The following MAGI3 variants were observed in gnomAD, a reference collection of about 807,000 sequenced individuals.
MAGI3 encodes the protein membrane associated guanylate kinase, WW and PDZ domain containing 3.
Under a neutral mutation model 121.8 loss-of-function variants are expected in MAGI3, and 43 were observed. The observed-to-expected ratio is 0.35, with a 90% CI of 0.28 to 0.46. MAGI3 has a LOEUF of 0.46. Ranked by LOEUF, MAGI3 falls within the 20% of genes least tolerant of loss-of-function variation. MAGI3 has a pLI of 1.00. For missense variants in MAGI3, 1,547 were observed against 1,797.3 expected (o/e 0.86, Z 2.52); for synonymous variants, 553 against 639.3 (o/e 0.86, Z 2.04).
intron 18 of MAGI3, 47 bp downstream of exon 18, chr1:113,672,788 T>C (rs370574158): frequency 3.6e-5 from 56 of 1,565,918 alleles, no homozygotes; most frequent in Non-Finnish European, 4.6e-5. Flanking sequence ...TGAGTTGCCA[T>C]ACCACTGGCA....
At chr1:113,646,095 C>T (rs1174955497) in intron 11 of MAGI3, among the ~76,000 whole-genome samples, 2 of 151,846 alleles carry the variant, frequency 1.3e-5, no homozygotes, top group African/African-American at 2.4e-5. Context: ...GGAGGTGGGC[C>T]GTGCTAAGAA....
chr1:113,494,309 G>A (rs972203427), intron 1 of MAGI3, among the ~76,000 whole-genome samples: 3 of 152,120 alleles, frequency 2.0e-5, no homozygotes, highest in African/African-American at 7.2e-5. Context: ...GGAGCTAAAT[G>A]ATGAGAACAC....
At chr1:113,480,100 A>G (rs1256331188) in intron 1 of MAGI3, among the ~76,000 whole-genome samples, 2 of 151,412 alleles carry the variant, frequency 1.3e-5, no homozygotes, top group Non-Finnish European at 2.9e-5. Context: ...GTAGATCTGT[A>G]TTTCTTTAGG....
At position 113,641,038 on chromosome 1, in the gene MAGI3, AT is replaced by A. The variant is rs1216947526; in HGVS notation, c.1361-872del. 3.6e-3 allele frequency among the ~76,000 whole-genome samples: 463 copies of A among 127,766 alleles called. 11 individuals carry two copies. Among genetic ancestry groups the A allele is most frequent in the African/African-American group, 0.013 (440 of 33,714 alleles). 83.8% of individuals were successfully genotyped at this position (127,766 alleles called of 152,430 possible). A position where few individuals can be genotyped will look rare whatever the true frequency, so the allele number is the denominator to read the frequency against. ...ATGATATATAATATATATGATATAT[AT>A]AATATATATGATATATTATATATGA... On this transcript the variant is annotated intron_variant, in intron 9 of 20. Coordinates refer to ENST00000307546, the MANE Select transcript of MAGI3 (RefSeq NM_001142782.2).
chr1:113,531,748 A>G (rs2101641897), intron 1 of MAGI3, among the ~76,000 whole-genome samples: 1 of 151,934 alleles, frequency 6.6e-6, no homozygotes, highest in African/African-American at 2.4e-5. Flanking sequence ...GGGCGGGGAC[A>G]GGGTACCTTT....
intron 10 of MAGI3, among the ~76,000 whole-genome samples, chr1:113,643,464 G>A (rs148150833): frequency 1.9e-4 from 29 of 152,266 alleles, no homozygotes; most frequent in Middle Eastern, 3.4e-3. Context: ...TGTCACACAG[G>A]TTTGATGTCA....
At chr1:113,473,850 C>G (rs1655669466) in intron 1 of MAGI3, among the ~76,000 whole-genome samples, 1 of 152,228 alleles carries the variant, frequency 6.6e-6, no homozygotes, top group South Asian at 2.1e-4. Context: ...ACACTGTCTT[C>G]CACAATGGTT....
intron 14 of MAGI3, among the ~76,000 whole-genome samples, chr1:113,652,307 G>A (rs1326080663): frequency 1.3e-5 from 2 of 152,218 alleles, no homozygotes; most frequent in African/African-American, 2.4e-5. Context: ...GTTATCTGCT[G>A]TAAGCTCGGC....
chr1:113,394,796 A>G (rs1321939976), intron 1 of MAGI3, among the ~76,000 whole-genome samples: 1 of 152,190 alleles, frequency 6.6e-6, no homozygotes, highest in African/African-American at 2.4e-5. Flanking sequence ...AACTACCCTA[A>G]GCAAGTAGTG....
At chr1:113,645,260 G>A (rs1009617373) in intron 11 of MAGI3, among the ~76,000 whole-genome samples, 3 of 151,922 alleles carry the variant, frequency 2.0e-5, no homozygotes, top group Non-Finnish European at 2.9e-5. Flanking sequence ...CTGACCTCAG[G>A]TGATCTGCCC....
intron 1 of MAGI3, among the ~76,000 whole-genome samples, chr1:113,427,580 A>G (rs1245191356): frequency 6.6e-6 from 1 of 152,162 alleles, no homozygotes; most frequent in Non-Finnish European, 1.5e-5. Flanking sequence ...TCTGTAGAGT[A>G]GAGGGCACAT....
intron 1 of MAGI3, among the ~76,000 whole-genome samples, chr1:113,547,618 A>G (rs1659597308): frequency 6.6e-6 from 1 of 152,238 alleles, no homozygotes; most frequent in South Asian, 2.1e-4. Context: ...TTTTAAAAAT[A>G]CTTAATGAAT....
chr1:113,494,424 AC>A (rs1258002572), intron 1 of MAGI3, among the ~76,000 whole-genome samples: 1 of 152,200 alleles, frequency 6.6e-6, no homozygotes, highest in Admixed American at 6.5e-5. Context: ...TACTTGGGTT[AC>A]TAAATAATCT....
In MAGI3 at chr1:113,659,333, G is replaced by A. The variant is rs1653657721; in HGVS notation, c.2815+68G>A. On this transcript the variant is annotated intron_variant, in intron 16 of 20. Coordinates refer to ENST00000307546, the MANE Select transcript of MAGI3 (RefSeq NM_001142782.2). ...GGCACAAAGCCTGTGTGAGGCAGTGGCCTCCTCCAGCACTGCCAGAATCAC... is the reference window on the plus strand; with the variant it reads ...GGCACAAAGCCTGTGTGAGGCAGTGACCTCCTCCAGCACTGCCAGAATCAC... 4.1e-6 allele frequency: 6 copies of A among 1,471,708 alleles called. No individual in the cohort carries two copies. In the South Asian group the frequency reaches 7.4e-5, roughly 18 times the overall value. 91.2% of individuals were successfully genotyped at this position (1,471,708 alleles called of 1,614,324 possible).
intron 19 of MAGI3, among the ~76,000 whole-genome samples, chr1:113,678,417 A>T (rs1412223587): frequency 6.6e-6 from 1 of 152,194 alleles, no homozygotes; most frequent in Non-Finnish European, 1.5e-5. Flanking sequence ...TTTCTAAATT[A>T]TTCTCCATCC....
intron 2 of MAGI3, among the ~76,000 whole-genome samples, chr1:113,557,835 G>T (rs560627318): frequency 6.6e-6 from 1 of 152,290 alleles, no homozygotes; most frequent in Non-Finnish European, 1.5e-5. Context: ...ACCCACCTGG[G>T]ACAGAGCTTC....
intron 1 of MAGI3, among the ~76,000 whole-genome samples, chr1:113,432,824 C>G (rs774854890): frequency 1.3e-5 from 2 of 151,952 alleles, no homozygotes; most frequent in Non-Finnish European, 2.9e-5. Context: ...AGAATTTCTA[C>G]CATATCAATA....
chr1:113,619,560 C>T (rs1650692728), intron 7 of MAGI3, among the ~76,000 whole-genome samples, 176 bp from the exon 8 acceptor site: 1 of 152,146 alleles, frequency 6.6e-6, no homozygotes, highest in Admixed American at 6.5e-5. Context: ...TTCTGCAGGA[C>T]TTTATTTAGC....
intron 1 of MAGI3, among the ~76,000 whole-genome samples, chr1:113,436,920 T>A (rs1653595634): frequency 6.7e-6 from 1 of 148,246 alleles, no homozygotes; most frequent in South Asian, 2.3e-4. Flanking sequence ...GTTCAGGCAA[T>A]TCTCCTGCCT....
Sources: gnomAD v4.1 joint callset for allele counts (sites outside exome capture counted in the v4.1 genomes callset) on GRCh38, gnomAD v4.1.1 for gene constraint, MANE v1.5 for transcripts, NCBI Gene and HGNC (gene_info 2026-07-23, HGNC 2026-07-21) for gene names.